The following UBE3D variants were observed in gnomAD, a reference collection of about 807,000 sequenced individuals.
The protein encoded by UBE3D is E3 ubiquitin-protein ligase E3D.
Under a neutral mutation model 49.6 loss-of-function variants are expected in UBE3D, and 48 were observed. That is an observed-to-expected ratio of 0.97 (90% CI 0.77 to 1.23). The LOEUF is 1.23. Ranked by LOEUF, UBE3D falls within the 50% of genes most tolerant of loss-of-function variation. The pLI, the probability that UBE3D is intolerant of heterozygous loss-of-function variation, is 0.00. For synonymous variants in UBE3D, 189 were observed against 174.2 expected (o/e 1.08, Z -0.67); for missense variants, 452 against 468.4 (o/e 0.96, Z 0.32).
At chr6:82,910,779 G>A (rs1582313410) in intron 9 of UBE3D, among the ~76,000 whole-genome samples, 2 of 152,216 alleles carry the variant, frequency 1.3e-5, no homozygotes, top group East Asian at 1.9e-4. Flanking sequence ...AAACTCAATT[G>A]GCAACTGATT....
intron 9 of UBE3D, among the ~76,000 whole-genome samples, chr6:82,896,913 G>C (rs1377302355): frequency 6.6e-6 from 1 of 151,718 alleles, no homozygotes; most frequent in African/African-American, 2.4e-5. Flanking sequence ...GCTAATTTTT[G>C]TATTTTTAGT....
chr6:82,984,080 TCTTC>T (rs1778296734), intron 8 of UBE3D, among the ~76,000 whole-genome samples: 1 of 152,204 alleles, frequency 6.6e-6, no homozygotes, highest in Admixed American at 6.5e-5. Flanking sequence ...CACTGTCTTT[TCTTC>T]CTTCCTTTAT....
chr6:82,954,693 C>A (rs757599519), intron 9 of UBE3D, among the ~76,000 whole-genome samples: 1 of 152,066 alleles, frequency 6.6e-6, no homozygotes, highest in South Asian at 2.1e-4. Context: ...AAAAAAAATC[C>A]TAAACACAGG....
At chr6:82,961,707 G>T (rs1038958144) in intron 8 of UBE3D, among the ~76,000 whole-genome samples, 22 of 152,116 alleles carry the variant, frequency 1.4e-4, no homozygotes, top group African/African-American at 4.8e-4. Flanking sequence ...TGAGTATTTT[G>T]ATCTTTTTTT....
chr6:82,969,424 T>C (rs1366576998), intron 8 of UBE3D, among the ~76,000 whole-genome samples: 2 of 151,948 alleles, frequency 1.3e-5, no homozygotes, highest in African/African-American at 4.8e-5. Context: ...CTGGGCAACA[T>C]AGTGAAATCC....
chr6:83,059,948 T>A (rs937877787), intron 1 of UBE3D, among the ~76,000 whole-genome samples: 2 of 152,274 alleles, frequency 1.3e-5, no homozygotes, highest in East Asian at 3.9e-4. Flanking sequence ...AGAGCCTGTC[T>A]TAGCTCAGCT....
Position 83,051,516 on chromosome 6 carries a change from C to G in UBE3D, c.365+2632G>C, listed in dbSNP as rs115409530. Among the ~76,000 whole-genome samples, 583 of 152,316 alleles carry G rather than the reference C, an allele frequency of 3.8e-3. 6 individuals are homozygous for G. The highest frequency in any genetic ancestry group is 0.013 in the African/African-American group (525 of 41,558). ...TTACTGTAAGCAGAACCCGGAAATA[C>G]TGTTACACTGATTTAACATGTTCCA... On this transcript the variant is annotated intron_variant, in intron 3 of 9. Coordinates refer to ENST00000369747, the MANE Select transcript of UBE3D (RefSeq NM_198920.3).
chr6:82,959,717 CAAAAAAAAAAAA>C (rs778278435), intron 8 of UBE3D, among the ~76,000 whole-genome samples: 4 of 37,730 alleles, frequency 1.1e-4, no homozygotes, highest in African/African-American at 3.3e-4. Context: ...GTGAGACCTC[CAAAAAAAAAAAA>C]AAAAAAAAAA....
intron 8 of UBE3D, among the ~76,000 whole-genome samples, chr6:82,982,807 T>C (rs933480698): frequency 6.6e-6 from 1 of 152,182 alleles, no homozygotes; most frequent in African/African-American, 2.4e-5. Context: ...CTACGCTGTT[T>C]TCATTTGTTC....
In UBE3D at chr6:83,044,456, C is replaced by T. The variant is rs761884607; in HGVS notation, c.569G>A (p.Cys190Tyr). The T allele has an allele frequency of 4.3e-6, 7 of 1,613,952 alleles. No homozygotes were observed. The African/African-American group carries it at 8.0e-5, about 18-fold the overall frequency. ...RPELSPVEMC[C>Y]VSSDNHCKLE... Reference sequence around the variant, plus strand: ...TTTACAATGGTTGTCAGAAGAAACACAGCACATCTCCACTGGGGATAGTTC... The same window carrying T: ...TTTACAATGGTTGTCAGAAGAAACATAGCACATCTCCACTGGGGATAGTTC... The change falls in exon 4 of 10, where the codon TGT (cysteine) becomes TAT (tyrosine). Residue 190 changes from cysteine (C) to tyrosine (Y), a missense_variant. Coordinates refer to ENST00000369747, the MANE Select transcript of UBE3D (RefSeq NM_198920.3).
intron 9 of UBE3D, among the ~76,000 whole-genome samples, chr6:82,898,660 C>T (rs1169132673): frequency 6.6e-6 from 1 of 150,978 alleles, no homozygotes; most frequent in African/African-American, 2.4e-5. Context: ...AGGAAGACCA[C>T]ACACTGGGGT....
At chr6:82,911,473 A>T (rs1772522363) in intron 9 of UBE3D, among the ~76,000 whole-genome samples, 1 of 152,206 alleles carries the variant, frequency 6.6e-6, no homozygotes, top group African/African-American at 2.4e-5. Context: ...TTCTAATTAC[A>T]TGAAAATAAA....
intron 8 of UBE3D, among the ~76,000 whole-genome samples, chr6:82,993,348 C>T (rs1007474021): frequency 8.8e-5 from 3 of 33,956 alleles, no homozygotes; most frequent in Non-Finnish European, 1.9e-4. Flanking sequence ...ACCTATCAGC[C>T]GACAGAAAAT....
the UBE3D span, among the ~76,000 whole-genome samples, chr6:82,880,802 T>G: frequency 6.6e-6 from 1 of 152,158 alleles, no homozygotes; most frequent in Admixed American, 6.5e-5. Context: ...ACTCCATGGC[T>G]TACAAACAAT....
intron 9 of UBE3D, among the ~76,000 whole-genome samples, chr6:82,940,324 A>G (rs150593237): frequency 4.6e-5 from 7 of 152,230 alleles, no homozygotes; most frequent in Non-Finnish European, 8.8e-5. Context: ...CATCTTTCAC[A>G]TCCAAATTGC....
intron 8 of UBE3D, among the ~76,000 whole-genome samples, chr6:82,984,650 T>C (rs1778336672): frequency 6.6e-6 from 1 of 152,208 alleles, no homozygotes; most frequent in South Asian, 2.1e-4. Context: ...GGTATCTTTT[T>C]ATATGTTTAA....
chr6:82,895,707 A>G (rs371592276), intron 9 of UBE3D, among the ~76,000 whole-genome samples: 1 of 152,340 alleles, frequency 6.6e-6, no homozygotes, highest in East Asian at 1.9e-4. Context: ...AAGCTCAGAA[A>G]ACTTATGAAA....
At chr6:82,941,416 G>A (rs1192848644) in intron 9 of UBE3D, among the ~76,000 whole-genome samples, 1 of 151,800 alleles carries the variant, frequency 6.6e-6, no homozygotes, top group African/African-American at 2.4e-5. Flanking sequence ...GGTCATTTAT[G>A]TAGTACAATG....
At chr6:82,946,662 T>C (rs1397871778) in intron 9 of UBE3D, among the ~76,000 whole-genome samples, 1 of 152,068 alleles carries the variant, frequency 6.6e-6, no homozygotes, top group Non-Finnish European at 1.5e-5. Context: ...GTAGAAAGAC[T>C]AAAAGATTAA....
Sources: gnomAD v4.1 joint callset for allele counts (sites outside exome capture counted in the v4.1 genomes callset) on GRCh38, gnomAD v4.1.1 for gene constraint, MANE v1.5 for transcripts, NCBI Gene and HGNC (gene_info 2026-07-23, HGNC 2026-07-21) for gene names.